Variants in SNX18 observed in about 807,000 individuals in gnomAD.
SNX18 encodes sorting nexin-18.
A neutral mutation model predicts 48.7 loss-of-function variants in SNX18; 35 were observed. The ratio of observed to expected loss-of-function variants is 0.72; its 90% CI spans 0.55 to 0.95. The LOEUF (loss-of-function observed/expected upper bound fraction) is 0.95, where lower values mean the gene tolerates loss of function less well. Ranked by LOEUF, SNX18 falls within the 40% of genes least tolerant of loss-of-function variation. SNX18 has a pLI of 0.00. For synonymous variants in SNX18, 492 were observed against 384.7 expected (o/e 1.28, Z -3.26); for missense variants, 824 against 871.0 (o/e 0.95, Z 0.68).
chr5:54,618,218 G>A, the SNX18 span, among the ~76,000 whole-genome samples: 2 of 152,206 alleles, frequency 1.3e-5, no homozygotes, highest in African/African-American at 4.8e-5. Context: ...GAAGAAGGAT[G>A]TGTTTGCTTC....
At chr5:54,631,459 CCTCT>C in the SNX18 span, among the ~76,000 whole-genome samples, 1 of 150,532 alleles carries the variant, frequency 6.6e-6, no homozygotes, top group African/African-American at 2.5e-5. Flanking sequence ...TTTCTTTTAA[CCTCT>C]CTTTCTGTCA....
the SNX18 span, among the ~76,000 whole-genome samples, chr5:54,622,978 A>G: frequency 2.0e-5 from 3 of 152,172 alleles, no homozygotes; most frequent in African/African-American, 4.8e-5. Context: ...GTTTTCTTAC[A>G]CTCCATAGTT....
the SNX18 span, among the ~76,000 whole-genome samples, chr5:54,587,591 G>A: frequency 6.6e-6 from 1 of 152,282 alleles, no homozygotes; most frequent in East Asian, 1.9e-4. Flanking sequence ...CACACGGCAT[G>A]CACTCATTGT....
chr5:54,637,648 A>C, the SNX18 span, among the ~76,000 whole-genome samples: 1 of 152,208 alleles, frequency 6.6e-6, no homozygotes, highest in East Asian at 1.9e-4. Context: ...GTGAGGGTCA[A>C]AACAGGGCAG....
the SNX18 span, among the ~76,000 whole-genome samples, chr5:54,617,199 A>T: frequency 6.6e-6 from 1 of 152,212 alleles, no homozygotes. Flanking sequence ...TCTCCTTTCC[A>T]TGGGCTCCAG....
the SNX18 span, among the ~76,000 whole-genome samples, chr5:54,635,933 C>G: frequency 6.6e-6 from 1 of 152,304 alleles, no homozygotes; most frequent in East Asian, 1.9e-4. Flanking sequence ...GCAGTGGAAA[C>G]CTGAGATGTT....
the SNX18 span, among the ~76,000 whole-genome samples, chr5:54,571,414 C>T: frequency 6.6e-6 from 1 of 152,194 alleles, no homozygotes. Context: ...CTTGGCAGTG[C>T]TTTTGCCATT....
the SNX18 span, among the ~76,000 whole-genome samples, chr5:54,637,912 C>T: frequency 6.6e-6 from 1 of 152,310 alleles, no homozygotes; most frequent in South Asian, 2.1e-4. Flanking sequence ...TTCGCCTTCA[C>T]GCAGCAGGAA....
At chr5:54,533,111 T>C (rs1456289323) in intron 1 of SNX18, among the ~76,000 whole-genome samples, 1 of 152,222 alleles carries the variant, frequency 6.6e-6, no homozygotes, top group African/African-American at 2.4e-5. Context: ...GACCAGGTTT[T>C]TTTCTTTTTG....
chr5:54,606,695 TG>T, the SNX18 span, among the ~76,000 whole-genome samples: 4 of 152,184 alleles, frequency 2.6e-5, no homozygotes, highest in Non-Finnish European at 5.9e-5. Context: ...CTAGATCTCG[TG>T]TATTCTTCAC....
At chr5:54,586,995 T>C in the SNX18 span, among the ~76,000 whole-genome samples, 2 of 152,044 alleles carry the variant, frequency 1.3e-5, no homozygotes, top group Admixed American at 1.3e-4. Flanking sequence ...TCCTTTTTTT[T>C]TTTTTTTCCT....
the SNX18 span, among the ~76,000 whole-genome samples, chr5:54,611,860 TTTCTTCTTC>T: frequency 1.3e-5 from 2 of 150,284 alleles, no homozygotes; most frequent in Admixed American, 6.6e-5. Flanking sequence ...ATTCTGGAAT[TTTCTTCTTC>T]TTCTTCTTCT....
chr5:54,625,673 G>C, the SNX18 span, among the ~76,000 whole-genome samples: 33,660 of 152,020 alleles, frequency 0.22, 5,138 homozygotes, highest in African/African-American at 0.43. Context: ...AGTACACAAG[G>C]GCATGGAGAC....
intron 1 of SNX18, among the ~76,000 whole-genome samples, chr5:54,531,161 G>A (rs1762248175): frequency 6.6e-6 from 1 of 152,110 alleles, no homozygotes; most frequent in South Asian, 2.1e-4. Context: ...GGGCAGAGAT[G>A]AGGAGGCTCT....
intron 1 of SNX18, among the ~76,000 whole-genome samples, chr5:54,529,933 TACA>T (rs1430340063): frequency 6.6e-6 from 1 of 152,218 alleles, no homozygotes; most frequent in Non-Finnish European, 1.5e-5. Flanking sequence ...CTGGGTGACT[TACA>T]ACAACAGAAA....
At chr5:54,601,139 C>T in the SNX18 span, among the ~76,000 whole-genome samples, 28 of 152,144 alleles carry the variant, frequency 1.8e-4, no homozygotes, top group Middle Eastern at 3.4e-3. Flanking sequence ...TAGTGATGTG[C>T]TGGAACACCT....
chr5:54,590,185 G>A, the SNX18 span, among the ~76,000 whole-genome samples: 2 of 152,178 alleles, frequency 1.3e-5, no homozygotes, highest in African/African-American at 4.8e-5. Flanking sequence ...TGTTTCAGTA[G>A]TTAGAAATTC....
the SNX18 span, among the ~76,000 whole-genome samples, chr5:54,641,700 GAAACTATAGAGTCAC>G: frequency 6.6e-6 from 1 of 152,210 alleles, no homozygotes; most frequent in Admixed American, 6.5e-5. Flanking sequence ...AAGTGACAGG[GAAACTATAGAGTCAC>G]ATTGAGGAGG....
chr5:54,566,441 C>A, the SNX18 span, among the ~76,000 whole-genome samples: 62 of 152,342 alleles, frequency 4.1e-4, 2 homozygotes, highest in East Asian at 0.012. Context: ...CTCGCCACTG[C>A]TTCTACTTCA....
Sources: allele counts gnomAD v4.1 joint callset (sites outside exome capture counted in the v4.1 genomes callset), GRCh38; gene constraint gnomAD v4.1.1; transcripts MANE v1.5; gene names NCBI Gene and HGNC (gene_info 2026-07-23, HGNC 2026-07-21).